The following STAM2 variants were observed in gnomAD, a reference collection of about 807,000 sequenced individuals.
STAM2 encodes signal transducing adapter molecule 2.
A neutral mutation model predicts 65.6 loss-of-function variants in STAM2; 51 were observed. The observed-to-expected ratio is 0.78, with a 90% CI of 0.62 to 0.98. STAM2 has a LOEUF of 0.98. Ranked by LOEUF, STAM2 falls within the 50% of genes least tolerant of loss-of-function variation. STAM2 has a pLI of 0.00. For synonymous variants in STAM2, 198 were observed against 208.4 expected (o/e 0.95, Z 0.43); for missense variants, 584 against 617.8 (o/e 0.95, Z 0.58).
At chr2:152,175,091 C>T (rs922491472) in intron 1 of STAM2, among the ~76,000 whole-genome samples, 4 of 152,062 alleles carry the variant, frequency 2.6e-5, no homozygotes, top group Non-Finnish European at 4.4e-5. Flanking sequence ...CTTAAAGCTA[C>T]CCTATCAGGG....
intron 12 of STAM2, among the ~76,000 whole-genome samples, chr2:152,125,275 C>T (rs1688944493): frequency 6.6e-6 from 1 of 152,136 alleles, no homozygotes; most frequent in Non-Finnish European, 1.5e-5. Flanking sequence ...TCAAAAAGAT[C>T]AAGGCATGGC....
rs948716936 is a variant in STAM2, at chr2:152,175,618, A to G, written c.25T>C (p.Phe9Leu). The change falls in exon 1 of 14, where the codon TTC becomes CTC. Residue 9 changes from phenylalanine to leucine, a missense_variant. Coordinates refer to ENST00000263904, the MANE Select transcript of STAM2 (RefSeq NM_005843.6). MPLFTANP[F>L]EQDVEKATNE... is the part of the protein sequence containing the mutation. ...CAGCACTCACCCACGTCTTGCTCGAAGGGGTTGGCGGTGAACAAAGGCATC... is the reference window on the plus strand; with the variant it reads ...CAGCACTCACCCACGTCTTGCTCGAGGGGGTTGGCGGTGAACAAAGGCATC... 2 of 1,613,944 alleles carry G rather than the reference A, an allele frequency of 1.2e-6. No homozygotes were observed. Among genetic ancestry groups the G allele is most frequent in the South Asian group, 2.2e-5 (2 of 91,056 alleles).
chr2:152,132,799 TAAC>T lies in STAM2; in HGVS notation c.970+371_970+373del, dbSNP rs558002620. Among the ~76,000 whole-genome samples, 513 of 152,260 alleles carry T rather than the reference TAAC, an allele frequency of 3.4e-3. 3 individuals carry two copies. Among genetic ancestry groups the T allele is most frequent in the African/African-American group, 0.012 (495 of 41,574 alleles). Reference sequence around the variant, plus strand: ...GCATCAATTGACTATGTTATGAAGTTAACAATTATCATGTATAATTTTGTCCTT... The same window carrying T: ...GCATCAATTGACTATGTTATGAAGTTAATTATCATGTATAATTTTGTCCTT... On this transcript the variant is annotated intron_variant, in intron 10 of 13. Transcript: ENST00000263904.
chr2:152,174,746 C>A (rs1160747622), intron 1 of STAM2, among the ~76,000 whole-genome samples: 1 of 152,104 alleles, frequency 6.6e-6, no homozygotes, highest in Non-Finnish European at 1.5e-5. Context: ...GAAGGGGAAA[C>A]GGAGGTGGAG....
intron 13 of STAM2, among the ~76,000 whole-genome samples, chr2:152,122,055 A>T (rs28493600): frequency 3.8e-5 from 4 of 104,212 alleles, no homozygotes; most frequent in African/African-American, 1.5e-4. Context: ...CCCCAAAAAA[A>T]AAATATATAT....
At chr2:152,127,375 T>G (rs924467493) in intron 11 of STAM2, among the ~76,000 whole-genome samples, 1 of 152,180 alleles carries the variant, frequency 6.6e-6, no homozygotes, top group Non-Finnish European at 1.5e-5. Flanking sequence ...GAGAATTTAC[T>G]TTCACACATT....
chr2:152,158,398 C>G (rs2105558548), intron 1 of STAM2, among the ~76,000 whole-genome samples: 1 of 152,162 alleles, frequency 6.6e-6, no homozygotes, highest in Non-Finnish European at 1.5e-5. Flanking sequence ...ATCACTTGAA[C>G]CTAGGAAGCG....
At chr2:152,123,011 T>A (rs572880538) in intron 13 of STAM2, among the ~76,000 whole-genome samples, 11 of 151,534 alleles carry the variant, frequency 7.3e-5, no homozygotes, top group African/African-American at 2.7e-4. Context: ...GTCAAGACTG[T>A]AGTGAGCTGA....
intron 6 of STAM2, 27 bp downstream of exon 6, chr2:152,144,861 C>T (rs759462818): frequency 3.1e-6 from 5 of 1,604,976 alleles, no homozygotes; most frequent in Admixed American, 3.3e-5. Context: ...TTAAGCAACA[C>T]TAAATTACAT....
chr2:152,144,001 G>A lies in STAM2; in HGVS notation c.530C>T (p.Ser177Leu), dbSNP rs367993310. The change falls in exon 7 of 14, where the codon TCG becomes TTG. Residue 177 changes from serine (S) to leucine (L), a missense_variant. Transcript: ENST00000263904. ...DEDIAKAIEL[S>L]LQEQKQQHTE... Reference sequence around the variant, plus strand: ...GTGTTGCTGTTTCTGTTCTTGCAGCGATAATTCAATAGCTAGTTTCAAAAA... The same window carrying A: ...GTGTTGCTGTTTCTGTTCTTGCAGCAATAATTCAATAGCTAGTTTCAAAAA... 22 of 1,607,752 alleles carry A rather than the reference G, an allele frequency of 1.4e-5. No homozygotes were observed. Among genetic ancestry groups the A allele is most frequent in the Middle Eastern group, 1.7e-4 (1 of 5,890 alleles).
intron 7 of STAM2, among the ~76,000 whole-genome samples, chr2:152,139,482 AG>A (rs1689207843): frequency 6.6e-6 from 1 of 152,202 alleles, no homozygotes; most frequent in Non-Finnish European, 1.5e-5. Context: ...GCTTGAGGCC[AG>A]GAGTCCAGGC....
chr2:152,126,933 G>A (rs1029432687), intron 11 of STAM2, among the ~76,000 whole-genome samples: 1 of 152,172 alleles, frequency 6.6e-6, no homozygotes, highest in African/African-American at 2.4e-5. Flanking sequence ...CAACCAATCA[G>A]ATGTTTGCAC....
intron 7 of STAM2, among the ~76,000 whole-genome samples, chr2:152,137,149 A>T (rs1398526121): frequency 6.6e-6 from 1 of 152,024 alleles, no homozygotes; most frequent in African/African-American, 2.4e-5. Context: ...CAGCCTCCCA[A>T]AGTGCTGGGA....
intron 12 of STAM2, 57 bp downstream of exon 12, chr2:152,126,164 ATTTTC>A (rs1688960886): frequency 7.2e-7 from 1 of 1,389,364 alleles, no homozygotes; most frequent in East Asian, 2.7e-5. Context: ...GCTATAAAAC[ATTTTC>A]TTTTACTTTT....
chr2:152,131,012 A>T (rs1166857571), intron 11 of STAM2, among the ~76,000 whole-genome samples: 2 of 149,122 alleles, frequency 1.3e-5, no homozygotes, highest in East Asian at 2.0e-4. Context: ...AAAAAAAAAG[A>T]AAAAAAGAAA....
Position 152,131,050 on chromosome 2 carries a change from A to T in STAM2, c.1025+1064T>A, listed in dbSNP as rs1689053063. ...CAAAACTATGTAGGATAAAATTAAA[A>T]GAGCAATAGAAACAAATACAAGGAC... On this transcript the variant is annotated intron_variant, in intron 11 of 13. Coordinates refer to ENST00000263904, the MANE Select transcript of STAM2 (RefSeq NM_005843.6). 2.6e-5 allele frequency among the ~76,000 whole-genome samples: 4 copies of T among 151,992 alleles called. No homozygotes were observed. The South Asian group carries it at 8.3e-4, about 32-fold the overall frequency.
intron 7 of STAM2, among the ~76,000 whole-genome samples, 185 bp from the exon 8 acceptor site, chr2:152,135,788 C>T (rs577618992): frequency 6.6e-6 from 1 of 152,222 alleles, no homozygotes; most frequent in African/African-American, 2.4e-5. Flanking sequence ...ATCCACATCC[C>T]TATATCTAAA....
rs185893977 is a variant in STAM2, at chr2:152,118,291, G to A, written c.*2283C>T. On this transcript the variant is annotated 3_prime_UTR_variant, in exon 14 of 14. Coordinates refer to ENST00000263904, the MANE Select transcript of STAM2 (RefSeq NM_005843.6). ...ACACAACCCTGTGTTTCTTAACACC[G>A]AAAGAATCATCAGTACACAGATTTA... The A allele has an allele frequency of 5.3e-5, 8 of 151,864 alleles. No homozygotes were observed. The highest frequency in any genetic ancestry group is 1.0e-4 in the Non-Finnish European group (7 of 67,866). 9.4% of individuals were successfully genotyped at this position (151,864 alleles called of 1,614,324 possible). A position where few individuals can be genotyped will look rare whatever the true frequency, so the allele number is the denominator to read the frequency against.
chr2:152,120,888 T>A, intron 13 of STAM2, 86 bp from the exon 14 acceptor site: 1 of 1,007,666 alleles, frequency 9.9e-7, no homozygotes, highest in Non-Finnish European at 1.5e-6. Flanking sequence ...AAATGCCTTT[T>A]CCATCTTCTT....
Sources: gnomAD v4.1 joint callset for allele counts (sites outside exome capture counted in the v4.1 genomes callset) on GRCh38, gnomAD v4.1.1 for gene constraint, MANE v1.5 for transcripts, NCBI Gene and HGNC (gene_info 2026-07-23, HGNC 2026-07-21) for gene names.